Variants in CDH8 observed in about 807,000 individuals in gnomAD.
CDH8 encodes cadherin 8, also known as cadherin-8.
In CDH8, 17 loss-of-function variants were observed where a neutral mutation model predicts 68.1. That is an observed-to-expected ratio of 0.25 (90% CI 0.17 to 0.37). CDH8 has a LOEUF of 0.37. CDH8 is among the 10% of genes least tolerant of loss of function. The pLI is 1.00. For synonymous variants in CDH8, 372 were observed against 365.1 expected (o/e 1.02, Z -0.21); for missense variants, 763 against 999.3 (o/e 0.76, Z 3.19).
At chr16:61,776,483 G>T (rs1208603331) in intron 8 of CDH8, among the ~76,000 whole-genome samples, 1 of 152,038 alleles carries the variant, frequency 6.6e-6, no homozygotes, top group Non-Finnish European at 1.5e-5. Context: ...TTTTAAAGTT[G>T]CCAACCTGGC....
chr16:61,749,258 A>G (rs1960099717), intron 8 of CDH8, among the ~76,000 whole-genome samples: 1 of 152,088 alleles, frequency 6.6e-6, no homozygotes. Context: ...TATGAATGAT[A>G]AGAACCATAG....
chr16:61,667,998 A>G (rs1294950417), intron 10 of CDH8, among the ~76,000 whole-genome samples: 3 of 152,018 alleles, frequency 2.0e-5, no homozygotes, highest in African/African-American at 7.2e-5. Flanking sequence ...GCTCAAGGAT[A>G]AGAGAAAAAC....
At chr16:61,983,879 C>CTTTAT (rs199945282) in intron 2 of CDH8, among the ~76,000 whole-genome samples, 6,179 of 140,372 alleles carry the variant, frequency 0.044, 192 homozygotes, top group Admixed American at 0.059. Flanking sequence ...GGTGTTTCCT[C>CTTTAT]TTTATTTTAT....
chr16:62,031,663 C>A (rs1902328699), intron 1 of CDH8, among the ~76,000 whole-genome samples: 1 of 118,628 alleles, frequency 8.4e-6, no homozygotes, highest in South Asian at 2.4e-4. Flanking sequence ...AGAACTTAAA[C>A]ACACACACCC....
intron 3 of CDH8, among the ~76,000 whole-genome samples, chr16:61,883,556 T>C (rs1963616670): frequency 6.6e-6 from 1 of 151,958 alleles, no homozygotes; most frequent in South Asian, 2.1e-4. Context: ...CAAGTGATAC[T>C]AATAGTGAGA....
At chr16:61,665,715 T>C (rs533999950) in intron 10 of CDH8, among the ~76,000 whole-genome samples, 1 of 151,706 alleles carries the variant, frequency 6.6e-6, no homozygotes, top group Non-Finnish European at 1.5e-5. Context: ...AACTCTTCAC[T>C]TTTATCTGTG....
chr16:61,858,741 T>A (rs1329420433), intron 3 of CDH8, among the ~76,000 whole-genome samples: 1 of 152,160 alleles, frequency 6.6e-6, no homozygotes, highest in Non-Finnish European at 1.5e-5. Flanking sequence ...CTCATTGGAC[T>A]CCATAGGGCT....
At chr16:62,004,246 A>G (rs576364759) in intron 2 of CDH8, among the ~76,000 whole-genome samples, 6 of 152,336 alleles carry the variant, frequency 3.9e-5, no homozygotes, top group Admixed American at 3.9e-4. Flanking sequence ...GACAAATCTT[A>G]CATAGTACCT....
chr16:62,031,627 AC>A (rs1902327494), intron 1 of CDH8, among the ~76,000 whole-genome samples: 1 of 151,984 alleles, frequency 6.6e-6, no homozygotes, highest in Non-Finnish European at 1.5e-5. Context: ...ACAGAAAATC[AC>A]ATCTATATAC....
At chr16:61,766,728 T>A (rs1175903210) in intron 8 of CDH8, among the ~76,000 whole-genome samples, 2 of 152,024 alleles carry the variant, frequency 1.3e-5, no homozygotes, top group African/African-American at 4.8e-5. Context: ...ATCTCATTTC[T>A]GGTTTTACTT....
intron 2 of CDH8, among the ~76,000 whole-genome samples, chr16:61,982,418 A>G (rs2150583509): frequency 6.6e-6 from 1 of 152,072 alleles, no homozygotes; most frequent in African/African-American, 2.4e-5. Flanking sequence ...ATGGGGTTTC[A>G]CCGTGTTAGC....
rs1212368883 is a variant in CDH8 at position 61,652,488 on chromosome 16, A to G, written c.*1120T>C. On this transcript the variant is annotated 3_prime_UTR_variant, in exon 12 of 12. Coordinates refer to ENST00000577390, the MANE Select transcript of CDH8 (RefSeq NM_001796.5). ...TATGAACAAAATAGAAAACAGTCCA[A>G]AAGTTTGTCTGGGAAGATGCTGTTC... is the stretch of plus-strand genomic sequence containing the variant. The G allele has an allele frequency of 2.0e-6, 2 of 996,236 alleles. No homozygotes were observed. Among genetic ancestry groups the G allele is most frequent in the Non-Finnish European group, 2.4e-6 (2 of 837,320 alleles). 61.7% of individuals were successfully genotyped at this position (996,236 alleles called of 1,614,324 possible).
At chr16:61,769,554 A>G (rs990026449) in intron 8 of CDH8, among the ~76,000 whole-genome samples, 4 of 151,874 alleles carry the variant, frequency 2.6e-5, no homozygotes, top group Non-Finnish European at 5.9e-5. Flanking sequence ...GCAAAAAAAA[A>G]AAACTTAGTA....
chr16:61,728,384 C>A (rs1473156747), intron 8 of CDH8, among the ~76,000 whole-genome samples: 1 of 150,888 alleles, frequency 6.6e-6, no homozygotes, highest in Non-Finnish European at 1.5e-5. Flanking sequence ...AGTGCCATGA[C>A]TACTCTCCAA....
intron 8 of CDH8, among the ~76,000 whole-genome samples, chr16:61,764,391 C>G (rs887684953): frequency 3.3e-5 from 5 of 152,118 alleles, no homozygotes; most frequent in Non-Finnish European, 1.5e-5. Flanking sequence ...TACTTGTCCT[C>G]TCTTCCACAG....
chr16:61,793,532 C>T (rs1298669419), intron 7 of CDH8, among the ~76,000 whole-genome samples: 3 of 151,968 alleles, frequency 2.0e-5, no homozygotes, highest in African/African-American at 7.2e-5. Context: ...AATTAGTTTG[C>T]TAATGATAAT....
chr16:61,710,073 C>T (rs1964604052), intron 10 of CDH8, among the ~76,000 whole-genome samples: 1 of 152,106 alleles, frequency 6.6e-6, no homozygotes. Flanking sequence ...AATGAATTCA[C>T]ATATAAAGGG....
chr16:61,907,872 G>C (rs1201596381), intron 2 of CDH8, among the ~76,000 whole-genome samples: 1 of 151,488 alleles, frequency 6.6e-6, no homozygotes, highest in Non-Finnish European at 1.5e-5. Context: ...GTGAAACCCT[G>C]TCTCTACTAA....
chr16:61,665,796 C>CT (rs762036531), intron 10 of CDH8, among the ~76,000 whole-genome samples: 4,396 of 135,404 alleles, frequency 0.032, 103 homozygotes, highest in Non-Finnish European at 0.048. Flanking sequence ...TCCTTCCTTC[C>CT]TTCCTTCCTT....
Sources: allele counts gnomAD v4.1 joint callset (sites outside exome capture counted in the v4.1 genomes callset), GRCh38; gene constraint gnomAD v4.1.1; transcripts MANE v1.5; gene names NCBI Gene and HGNC (gene_info 2026-07-23, HGNC 2026-07-21).